The following AIFM2 variants were observed in gnomAD, a reference collection of about 807,000 sequenced individuals.
AIFM2 encodes ferroptosis suppressor protein 1.
A neutral mutation model predicts 35.7 loss-of-function variants in AIFM2; 38 were observed. The observed-to-expected ratio is 1.06, with a 90% CI of 0.82 to 1.39. The LOEUF (loss-of-function observed/expected upper bound fraction) is 1.39, where lower values mean the gene tolerates loss of function less well. Ranked by LOEUF, AIFM2 falls within the 40% of genes most tolerant of loss-of-function variation. AIFM2 has a pLI of 0.00. For missense variants in AIFM2, 476 were observed against 491.2 expected (o/e 0.97, Z 0.29); for synonymous variants, 185 against 203.5 (o/e 0.91, Z 0.77).
At chr10:70,121,391 G>A (rs2072504501) in intron 3 of AIFM2, among the ~76,000 whole-genome samples, 180 bp from the exon 4 acceptor site, 1 of 152,196 alleles carries the variant, frequency 6.6e-6, no homozygotes, top group Admixed American at 6.5e-5. Flanking sequence ...CACCACACTG[G>A]TTAGCCCAAA....
At chr10:70,120,641 C>T (rs750025557) in intron 4 of AIFM2, 42 bp from the exon 5 acceptor site, 2 of 1,599,964 alleles carry the variant, frequency 1.3e-6, no homozygotes, top group Non-Finnish European at 1.7e-6. Flanking sequence ...ATGAAACACA[C>T]CTACACATCC....
chr10:70,123,118 G>A lies in AIFM2; in HGVS notation c.294+287C>T, dbSNP rs571580334. On this transcript the variant is annotated intron_variant, in intron 3 of 8. Transcript: ENST00000307864. Reference sequence around the variant, plus strand: ...TCAGCTTACTGGAACTTCCACCTCCGAATTCAAGCAATTCTCCAGCCTCCT... The same window carrying A: ...TCAGCTTACTGGAACTTCCACCTCCAAATTCAAGCAATTCTCCAGCCTCCT... 7.5e-4 allele frequency among the ~76,000 whole-genome samples: 114 copies of A among 152,198 alleles called. 1 individual carries two copies. The highest frequency in any genetic ancestry group is 2.5e-3 in the African/African-American group (102 of 41,522).
chr10:70,129,354 G>A (rs1030502181), intron 1 of AIFM2, among the ~76,000 whole-genome samples: 7 of 151,668 alleles, frequency 4.6e-5, no homozygotes, highest in East Asian at 1.9e-4. Flanking sequence ...CAGCAGCCAC[G>A]TTTTATATAT....
chr10:70,130,176 C>CT (rs1200500603), intron 1 of AIFM2, among the ~76,000 whole-genome samples: 2 of 152,098 alleles, frequency 1.3e-5, no homozygotes, highest in African/African-American at 4.8e-5. Flanking sequence ...GAGCAAGACT[C>CT]TGTCTCAAAA....
rs146783519 is a variant in AIFM2, at chr10:70,114,212, G to C, written c.1088C>G (p.Thr363Arg). 6.2e-7 allele frequency: 1 copy of C among 1,613,694 alleles called. No homozygotes were observed. The highest frequency in any genetic ancestry group is 1.7e-5 in the Admixed American group (1 of 59,924). The change falls in exon 9 of 9, where the codon ACG becomes AGG. Residue 363 changes from threonine to arginine, a missense_variant. Thr to Arg is a moderately conservative substitution (Grantham distance 71, BLOSUM62 -1). Coordinates refer to ENST00000307864, the MANE Select transcript of AIFM2 (RefSeq NM_032797.6). ...LTKSRDLFVS[T>R]SWKTMRQSPP ...AGACTGCCTCATGGTTTTCCAGCTC[G>C]TAGAGACGAACAGGTCCCGGCTCTT...
chr10:70,115,461 A>C (rs1283363420), intron 7 of AIFM2, among the ~76,000 whole-genome samples: 1 of 152,252 alleles, frequency 6.6e-6, no homozygotes, highest in African/African-American at 2.4e-5. Context: ...TTTGAATGTA[A>C]GTGAGATTTT....
Position 70,114,291 on chromosome 10 carries a change from C to T in AIFM2, c.1009G>A (p.Gly337Ser), listed in dbSNP as rs769905584. The T allele has an allele frequency of 2.7e-5, 44 of 1,613,814 alleles. No homozygotes were observed. Among genetic ancestry groups the T allele is most frequent in the South Asian group, 1.2e-4 (11 of 91,084 alleles). ...TFLLSMGRNDGVGQISGFYVG... is the reference protein window; with the variant it reads ...TFLLSMGRNDSVGQISGFYVG... ...TAGAAGCCACTGATTTGGCCCACAC[C>T]GTCATTTCTCCCCATGGACAGGAGG... The change falls in exon 9 of 9, where the codon GGT becomes AGT. Residue 337 changes from glycine (G) to serine (S), a missense_variant. Transcript: ENST00000307864.
At chr10:70,128,135 C>T (rs1319020086) in intron 1 of AIFM2, among the ~76,000 whole-genome samples, 9 of 152,238 alleles carry the variant, frequency 5.9e-5, no homozygotes, top group Non-Finnish European at 8.8e-5. Context: ...CATGGAGCTG[C>T]ATTTCCAGCC....
At chr10:70,124,475 G>T (rs1460062507) in intron 1 of AIFM2, among the ~76,000 whole-genome samples, 2 of 152,222 alleles carry the variant, frequency 1.3e-5, no homozygotes, top group Non-Finnish European at 2.9e-5. Context: ...AGAGATTGCA[G>T]TGGGGCAGGA....
chr10:70,116,237 A>G (rs981445060), intron 7 of AIFM2, among the ~76,000 whole-genome samples: 9 of 152,256 alleles, frequency 5.9e-5, no homozygotes, highest in South Asian at 4.2e-4. Flanking sequence ...CAAGAGACCA[A>G]ATGTTTTGAT....
chr10:70,114,343 C>A lies in AIFM2; in HGVS notation c.971-14G>T, dbSNP rs758011663. 1 of 1,613,870 alleles carries A rather than the reference C, an allele frequency of 6.2e-7. No individual in the cohort carries two copies. The highest frequency in any genetic ancestry group is 1.3e-5 in the African/African-American group (1 of 74,998). On this transcript the variant is annotated splice_polypyrimidine_tract_variant and intron_variant, in intron 8 of 8. Transcript: ENST00000307864. ...ACGTCAGTGCACCTGCAAGCAGAGA[C>A]ACAGAAACAACCAGAACCTCACTGA... is the stretch of plus-strand genomic sequence containing the variant.
chr10:70,130,576 G>C (rs191186895), intron 1 of AIFM2, among the ~76,000 whole-genome samples: 46 of 152,134 alleles, frequency 3.0e-4, no homozygotes, highest in Non-Finnish European at 4.7e-4. Flanking sequence ...ATCAGCTGAC[G>C]GGCACTTGGG....
chr10:70,120,702 G>T, intron 4 of AIFM2, 103 bp from the exon 5 acceptor site: 1 of 1,277,356 alleles, frequency 7.8e-7, no homozygotes, highest in Non-Finnish European at 1.1e-6. Flanking sequence ...GCCAAAGGAG[G>T]GCAGAGAACC....
chr10:70,123,623 C>G, intron 2 of AIFM2, 103 bp from the exon 3 acceptor site: 1 of 1,097,056 alleles, frequency 9.1e-7, no homozygotes, highest in Non-Finnish European at 1.4e-6. Flanking sequence ...ACAGGGGTGC[C>G]CTTGACCAAA....
Position 70,123,982 on chromosome 10 carries a change from C to A in AIFM2, c.103G>T (p.Val35Phe). 6.2e-7 allele frequency: 1 copy of A among 1,612,958 alleles called. No individual in the cohort carries two copies. The highest frequency in any genetic ancestry group is 8.5e-7 in the Non-Finnish European group (1 of 1,179,406). Residue 35 changes from valine (V) to phenylalanine (F), a missense_variant, in exon 2 of 9, where the codon GTC (valine) becomes TTC (phenylalanine). Physicochemically the swap from Val to Phe is conservative, Grantham distance 50 (BLOSUM62 -1). Transcript: ENST00000307864. ...AAASQLQALN[V>F]PFMLVDMKDS... ...TTCATGTCCACCAGCATGAAGGGGA[C>A]GTTCAGGGCCTGCAGCTGGCTGGCT...
intron 1 of AIFM2, among the ~76,000 whole-genome samples, chr10:70,128,309 C>T (rs957928263): frequency 7.9e-5 from 12 of 152,206 alleles, no homozygotes; most frequent in Non-Finnish European, 1.6e-4. Context: ...ATTATAAACC[C>T]ATACAATGCA....
In AIFM2 at chr10:70,117,376, C is replaced by T. The variant is rs1256137908; in HGVS notation, c.616+436G>A. Among the ~76,000 whole-genome samples, 2 of 152,190 alleles carry T rather than the reference C, an allele frequency of 1.3e-5. No individual in the cohort carries two copies. Among genetic ancestry groups the T allele is most frequent in the Non-Finnish European group, 2.9e-5 (2 of 68,036 alleles). On this transcript the variant is annotated intron_variant, in intron 6 of 8. Coordinates refer to ENST00000307864, the MANE Select transcript of AIFM2 (RefSeq NM_032797.6). The surrounding 1 kb of genome is among the most constrained non-coding windows in gnomAD (Gnocchi z 4.7). ...ACTTTCCAGCATTTGCTGGGTGGGT[C>T]TCGTCCCCTGCTCTACAAGAAGGCC...
At position 70,117,738 on chromosome 10, in the gene AIFM2, A is replaced by G. The variant is rs2072453450; in HGVS notation, c.616+74T>C. The stretch of plus-strand genomic sequence containing the variant: ...GGACCATAGCCACCCTCCTGCTGGA[A>G]GCAGTCACCAAGCCTCCAAGCCACA... On this transcript the variant is annotated intron_variant, in intron 6 of 8. Transcript: ENST00000307864. This position sits in a 1 kb window ranked among gnomAD's most constrained non-coding sequence, Gnocchi z 4.7. 7 of 1,253,230 alleles carry G rather than the reference A, an allele frequency of 5.6e-6. No individual in the cohort carries two copies. The highest frequency in any genetic ancestry group is 1.5e-5 in the African/African-American group (1 of 64,890). The allele number at this position is 1,253,230 out of a possible 1,614,324, so 77.6% of individuals were successfully genotyped here. A position where few individuals can be genotyped will look rare whatever the true frequency, so the allele number is the denominator to read the frequency against.
In AIFM2 at chr10:70,117,916, G is replaced by C; in HGVS notation, c.512C>G (p.Thr171Ser). ...IKTEYPEKEV[T>S]LIHSQVALAD... is the part of the protein sequence containing the mutation. ...CAGGGCCACTTGGGAGTGAATGAGA[G>C]TGACCTGAGGACAAAACGACCACAG... Residue 171 changes from threonine to serine, a missense_variant, in exon 6 of 9, where the codon ACT (threonine) becomes AGT (serine). Physicochemically the swap from Thr to Ser is moderately conservative, Grantham distance 58. Coordinates refer to ENST00000307864, the MANE Select transcript of AIFM2 (RefSeq NM_032797.6). The surrounding 1 kb of genome is among the most constrained non-coding windows in gnomAD (Gnocchi z 4.7). The C allele has an allele frequency of 6.2e-7, 1 of 1,608,154 alleles. No homozygotes were observed. The highest frequency in any genetic ancestry group is 2.3e-5 in the East Asian group (1 of 44,226).
Sources: gnomAD v4.1 joint callset for allele counts (sites outside exome capture counted in the v4.1 genomes callset) on GRCh38, gnomAD v4.1.1 for gene constraint, Gnocchi (gnomAD v3.1) non-coding constraint, MANE v1.5 for transcripts, NCBI Gene and HGNC (gene_info 2026-07-23, HGNC 2026-07-21) for gene names.